The following GRM7 variants were observed in gnomAD, a reference collection of about 807,000 sequenced individuals.
GRM7 encodes the protein glutamate metabotropic receptor 7.
GRM7 carries 35 observed loss-of-function variants against 84.5 expected under a neutral mutation model. The observed-to-expected ratio is 0.41, with a 90% CI of 0.32 to 0.55. The LOEUF (loss-of-function observed/expected upper bound fraction) is 0.55. Among genes scored for constraint, GRM7 ranks in the 20% least tolerant of loss-of-function variants. The probability of loss-of-function intolerance (pLI) is 0.19; values close to 1 mark genes in which losing one functional copy is unlikely to be tolerated. For synonymous variants in GRM7, 487 were observed against 455.1 expected (o/e 1.07, Z -0.89); for missense variants, 1,003 against 1,194.6 (o/e 0.84, Z 2.36).
chr3:6,915,748 A>G (rs1696919982), intron 1 of GRM7, among the ~76,000 whole-genome samples: 1 of 152,366 alleles, frequency 6.6e-6, no homozygotes, highest in East Asian at 1.9e-4. Context: ...ATGGGACAAC[A>G]GAATTCAGTA....
chr3:7,614,368 G>A lies in GRM7; in HGVS notation c.2451+35011G>A, dbSNP rs77803983. On this transcript the variant is annotated intron_variant, in intron 8 of 9. Coordinates refer to ENST00000357716, the MANE Select transcript of GRM7 (RefSeq NM_000844.4). The stretch of plus-strand genomic sequence containing the variant: ...GAGGTGCCCTTTTCCCCCACTTCCA[G>A]TCACCATCCCTCTGTAGTTTGGAGA... 1.4e-3 allele frequency among the ~76,000 whole-genome samples: 215 copies of A among 152,222 alleles called. 1 individual carries two copies. Among genetic ancestry groups the A allele is most frequent in the African/African-American group, 5.0e-3 (206 of 41,524 alleles).
intron 1 of GRM7, among the ~76,000 whole-genome samples, chr3:6,956,330 T>C (rs1281601300): frequency 6.6e-6 from 1 of 152,190 alleles, no homozygotes; most frequent in Non-Finnish European, 1.5e-5. Flanking sequence ...TGGGGAGAGA[T>C]GACAGTGTGC....
chr3:6,960,310 C>T (rs1693243523), intron 1 of GRM7, among the ~76,000 whole-genome samples: 2 of 152,092 alleles, frequency 1.3e-5, no homozygotes, highest in African/African-American at 4.8e-5. Flanking sequence ...TAAAGATTTT[C>T]CAGCTCTCTT....
chr3:7,088,693 C>CTTTTCTTTTTTTTTT (rs1219505381), intron 1 of GRM7, among the ~76,000 whole-genome samples: 2 of 123,990 alleles, frequency 1.6e-5, no homozygotes, highest in Non-Finnish European at 3.2e-5. Flanking sequence ...TCACTGATTT[C>CTTTTCTTTTTTTTTT]TTATTCATCG....
intron 2 of GRM7, among the ~76,000 whole-genome samples, chr3:7,173,336 T>C (rs1051506306): frequency 3.3e-5 from 5 of 152,196 alleles, no homozygotes; most frequent in Non-Finnish European, 7.3e-5. Context: ...ACCAATGTAA[T>C]GTCTCACAGG....
At chr3:7,549,441 G>A (rs1039636387) in intron 7 of GRM7, among the ~76,000 whole-genome samples, 1 of 152,066 alleles carries the variant, frequency 6.6e-6, no homozygotes, top group African/African-American at 2.4e-5. Flanking sequence ...TTATTTTTGT[G>A]TTTTCTGTCA....
chr3:7,562,836 T>C (rs1379953008), intron 7 of GRM7, among the ~76,000 whole-genome samples: 1 of 152,148 alleles, frequency 6.6e-6, no homozygotes, highest in South Asian at 2.1e-4. Flanking sequence ...TCCCCTGATG[T>C]GTCTGTATTG....
At chr3:7,525,671 A>G (rs137994266) in intron 7 of GRM7, among the ~76,000 whole-genome samples, 59 of 152,164 alleles carry the variant, frequency 3.9e-4, no homozygotes, top group African/African-American at 1.3e-3. Context: ...GGAACACAGT[A>G]CCCAGTGGGA....
intron 7 of GRM7, among the ~76,000 whole-genome samples, chr3:7,464,467 C>T (rs1698378780): frequency 6.6e-6 from 1 of 152,048 alleles, no homozygotes; most frequent in African/African-American, 2.4e-5. Context: ...TATAAATGGT[C>T]TTTAAATTCA....
At chr3:7,040,854 C>T (rs746382576) in intron 1 of GRM7, among the ~76,000 whole-genome samples, 7 of 151,582 alleles carry the variant, frequency 4.6e-5, no homozygotes, top group Non-Finnish European at 5.9e-5. Flanking sequence ...AGGCCAAGGT[C>T]GGTGGATCAT....
At chr3:7,342,072 A>G (rs1692664532) in intron 4 of GRM7, among the ~76,000 whole-genome samples, 2 of 152,102 alleles carry the variant, frequency 1.3e-5, no homozygotes, top group African/African-American at 2.4e-5. Context: ...CATTCCATTC[A>G]TGTGCACCAT....
At chr3:7,633,291 T>C (rs1697936996) in intron 8 of GRM7, among the ~76,000 whole-genome samples, 1 of 152,230 alleles carries the variant, frequency 6.6e-6, no homozygotes, top group African/African-American at 2.4e-5. Flanking sequence ...TCCATGCTCA[T>C]AATGAGGTAG....
chr3:7,563,110 G>A (rs760245899), intron 7 of GRM7, among the ~76,000 whole-genome samples: 20 of 152,158 alleles, frequency 1.3e-4, no homozygotes, highest in Non-Finnish European at 1.9e-4. Context: ...GTGAGTGGGT[G>A]AAAAGCAATT....
intron 2 of GRM7, among the ~76,000 whole-genome samples, chr3:7,265,823 T>C (rs1047874753): frequency 2.6e-5 from 4 of 152,246 alleles, no homozygotes; most frequent in Admixed American, 2.6e-4. Flanking sequence ...AACCCTCTTC[T>C]TTTTCAGTTT....
intron 7 of GRM7, among the ~76,000 whole-genome samples, chr3:7,528,694 A>G (rs1700907254): frequency 6.6e-6 from 1 of 152,002 alleles, no homozygotes. Context: ...GCTACATATC[A>G]GACATTTTGG....
intron 1 of GRM7, among the ~76,000 whole-genome samples, chr3:7,067,490 G>A (rs910942875): frequency 9.2e-5 from 14 of 151,918 alleles, no homozygotes; most frequent in African/African-American, 3.1e-4. Context: ...ACCTCTACAA[G>A]GAAAACTACA....
rs1351053761 is a variant in GRM7 at position 7,151,035 on chromosome 3, T to A, written c.736+4367T>A. On this transcript the variant is annotated intron_variant, in intron 2 of 9. Coordinates refer to ENST00000357716, the MANE Select transcript of GRM7 (RefSeq NM_000844.4). This position sits in a 1 kb window ranked among gnomAD's most constrained non-coding sequence, Gnocchi z 4.5. ...CTCAAAACCTAAAAGATCTATCCAT[T>A]TGATATTTTACAGTGATCACTTAAC... Among the ~76,000 whole-genome samples the A allele has an allele frequency of 6.6e-6, 1 of 152,156 alleles. No individual in the cohort carries two copies. The highest frequency in any genetic ancestry group is 2.4e-5 in the African/African-American group (1 of 41,432).
intron 4 of GRM7, among the ~76,000 whole-genome samples, chr3:7,326,566 G>A (rs767411898): frequency 6.6e-6 from 1 of 152,044 alleles, no homozygotes; most frequent in Non-Finnish European, 1.5e-5. Context: ...GGAGACTGGG[G>A]GCTGGGCACA....
chr3:7,483,110 A>G (rs920690872), intron 7 of GRM7, among the ~76,000 whole-genome samples: 2 of 152,178 alleles, frequency 1.3e-5, no homozygotes, highest in African/African-American at 2.4e-5. Flanking sequence ...CATTCACCCA[A>G]TGGATATTCA....
Sources: gnomAD v4.1 joint callset for allele counts (sites outside exome capture counted in the v4.1 genomes callset) on GRCh38, gnomAD v4.1.1 for gene constraint, Gnocchi (gnomAD v3.1) non-coding constraint, MANE v1.5 for transcripts, NCBI Gene and HGNC (gene_info 2026-07-23, HGNC 2026-07-21) for gene names.